The following GRIK3 variants were observed in gnomAD, a reference collection of about 807,000 sequenced individuals.
The protein encoded by GRIK3 is glutamate receptor ionotropic, kainate 3.
A neutral mutation model predicts 102.5 loss-of-function variants in GRIK3; 29 were observed. The ratio of observed to expected loss-of-function variants is 0.28; its 90% CI spans 0.21 to 0.39. GRIK3 has a LOEUF of 0.39. Among genes scored for constraint, GRIK3 ranks in the 10% least tolerant of loss-of-function variants. GRIK3 has a pLI of 1.00. For missense variants in GRIK3, 908 were observed against 1,252.4 expected (o/e 0.73, Z 4.15); for synonymous variants, 511 against 504.9 (o/e 1.01, Z -0.16).
At chr1:37,008,259 G>A (rs1010068844) in intron 1 of GRIK3, among the ~76,000 whole-genome samples, 9 of 152,328 alleles carry the variant, frequency 5.9e-5, no homozygotes, top group Middle Eastern at 6.8e-3. Context: ...CTTACCGAGC[G>A]GGGTTCCCCT....
chr1:36,806,123 GTAGCCCT>G lies in GRIK3; in HGVS notation c.2288_2294del (p.Lys763ThrfsTer31). ...GCTCACCCATGGGCGTGCCGATGCC[GTAGCCCT>G]TGGAGTCAATGAGGCCCCCGATCTG... On this transcript the variant is annotated frameshift_variant, in exon 14 of 16. Coordinates refer to ENST00000373091, the MANE Select transcript of GRIK3 (RefSeq NM_000831.4). LOFTEE classifies it high-confidence loss of function. The surrounding 1 kb of genome is among the most constrained non-coding windows in gnomAD (Gnocchi z 4.0). 1 of 1,613,230 alleles carries G rather than the reference GTAGCCCT, an allele frequency of 6.2e-7. No homozygotes were observed. Among genetic ancestry groups the G allele is most frequent in the South Asian group, 1.1e-5 (1 of 91,068 alleles).
At chr1:36,972,878 C>G (rs1198812967) in intron 1 of GRIK3, among the ~76,000 whole-genome samples, 1 of 152,184 alleles carries the variant, frequency 6.6e-6, no homozygotes, top group Non-Finnish European at 1.5e-5. Flanking sequence ...GGCAGAACAT[C>G]TGTGTCCAGA....
chr1:36,958,110 G>C (rs1226933618), intron 1 of GRIK3, among the ~76,000 whole-genome samples: 2 of 128,552 alleles, frequency 1.6e-5, no homozygotes, highest in African/African-American at 6.1e-5. Flanking sequence ...TGTGTGCCCC[G>C]TGAGTCTGTG....
intron 1 of GRIK3, among the ~76,000 whole-genome samples, chr1:36,951,546 C>T (rs2124335509): frequency 6.6e-6 from 1 of 152,366 alleles, no homozygotes; most frequent in Non-Finnish European, 1.5e-5. Context: ...TTATGTCGAA[C>T]TGGCAATGCT....
At chr1:36,990,255 T>C (rs921535862) in intron 1 of GRIK3, among the ~76,000 whole-genome samples, 1 of 152,150 alleles carries the variant, frequency 6.6e-6, no homozygotes, top group African/African-American at 2.4e-5. Flanking sequence ...CGATGCCCCA[T>C]CCACCCGACT....
chr1:36,881,001 C>A, intron 2 of GRIK3, 110 bp from the exon 3 acceptor site: 1 of 1,186,222 alleles, frequency 8.4e-7, no homozygotes, highest in Non-Finnish European at 1.2e-6. Context: ...CTGGAACCCT[C>A]GGTGGGTGCA....
At chr1:36,832,080 CTGCTCTACT>C (rs1230976910) in intron 10 of GRIK3, among the ~76,000 whole-genome samples, 1 of 280 alleles carries the variant, frequency 3.6e-3, no homozygotes, top group Non-Finnish European at 8.3e-3. Flanking sequence ...TCCCTGGCGA[CTGCTCTACT>C]GCTCTCATCG....
At position 36,874,813 on chromosome 1, in the gene GRIK3, G is replaced by A. The variant is rs77629988; in HGVS notation, c.551-2444C>T. On this transcript the variant is annotated intron_variant, in intron 3 of 15. Coordinates refer to ENST00000373091, the MANE Select transcript of GRIK3 (RefSeq NM_000831.4). ...GGCCTTCTTGTCAGCCAAGCACATC[G>A]CCCCATGTAATGCATGGTGACCCAC... Among the ~76,000 whole-genome samples the A allele has an allele frequency of 4.5e-3, 685 of 152,246 alleles. 8 individuals carry two copies. Among genetic ancestry groups the A allele is most frequent in the African/African-American group, 0.015 (634 of 41,536 alleles).
chr1:36,949,570 C>CTTTTTTTTTTTTT (rs1557436911), intron 1 of GRIK3, among the ~76,000 whole-genome samples: 1 of 134,872 alleles, frequency 7.4e-6, no homozygotes. Context: ...CTCTCTCTCT[C>CTTTTTTTTTTTTT]TTTCTTTTTT....
rs1193249670 is a variant in GRIK3 at position 36,799,141 on chromosome 1, A to G, written c.*2710T>C. 6.6e-6 allele frequency: 1 copy of G among 152,230 alleles called. No homozygotes were observed. The highest frequency in any genetic ancestry group is 1.5e-5 in the Non-Finnish European group (1 of 68,040). The allele number at this position is 152,230 out of a possible 1,614,324, so 9.4% of individuals were successfully genotyped here. ...ATCCTGTTACCTGGGAATTACAAAA[A>G]AGAGTTTTCCCTTCAAACAGGACAT... On this transcript the variant is annotated 3_prime_UTR_variant, in exon 16 of 16. Transcript: ENST00000373091.
chr1:36,869,769 G>A lies in GRIK3; in HGVS notation c.765C>T (p.Tyr255=), dbSNP rs1161321583. Residue 255 remains tyrosine, a synonymous_variant, in exon 5 of 16, where the codon TAC becomes TAT. Transcript: ENST00000373091. ...TTACCAGAGTGGTGAAGATGAAGTG[G>A]TAGTACTCAGTCATCATGCCCATGG... ...AMAMGMMTEY[Y]HFIFTTLDLY... 1 of 1,612,158 alleles carries A rather than the reference G, an allele frequency of 6.2e-7. No individual in the cohort carries two copies. The highest frequency in any genetic ancestry group is 1.7e-5 in the Admixed American group (1 of 60,018).
In GRIK3 at chr1:36,799,446, C is replaced by G. The variant is rs1642408098; in HGVS notation, c.*2405G>C. On this transcript the variant is annotated 3_prime_UTR_variant, in exon 16 of 16. Coordinates refer to ENST00000373091, the MANE Select transcript of GRIK3 (RefSeq NM_000831.4). The stretch of plus-strand genomic sequence containing the variant: ...GACCCATGTCACACGACTCTCTGGT[C>G]CTGGCCTTCCCCCCGCTCCCCACTG... 1 of 152,504 alleles carries G rather than the reference C, an allele frequency of 6.6e-6. No homozygotes were observed. The highest frequency in any genetic ancestry group is 2.4e-5 in the African/African-American group (1 of 41,476). 9.4% of individuals were successfully genotyped at this position (152,504 alleles called of 1,614,324 possible). A position where few individuals can be genotyped will look rare whatever the true frequency, so the allele number is the denominator to read the frequency against.
At chr1:36,822,343 G>C (rs539818862) in intron 11 of GRIK3, among the ~76,000 whole-genome samples, 1 of 152,312 alleles carries the variant, frequency 6.6e-6, no homozygotes, top group South Asian at 2.1e-4. Context: ...TGCCGTTACA[G>C]GTTGGGGTCC....
chr1:36,922,110 G>A (rs186949563), intron 1 of GRIK3, among the ~76,000 whole-genome samples: 38 of 152,314 alleles, frequency 2.5e-4, no homozygotes, highest in Admixed American at 7.8e-4. Context: ...AGTTCCTGTC[G>A]TGCCACTAAG....
intron 9 of GRIK3, among the ~76,000 whole-genome samples, chr1:36,842,451 C>T (rs140763196): frequency 2.2e-4 from 33 of 152,308 alleles, no homozygotes; most frequent in African/African-American, 7.7e-4. Flanking sequence ...AGTCTGAGGA[C>T]GCTGCTGTAA....
chr1:36,885,168 T>C (rs563411651), intron 2 of GRIK3, among the ~76,000 whole-genome samples: 2 of 152,342 alleles, frequency 1.3e-5, no homozygotes, highest in East Asian at 1.9e-4. Context: ...GTGATGTTGA[T>C]GTTGGTGTTG....
rs112783139 is a variant in GRIK3 at position 36,916,064 on chromosome 1, G to A, written c.116-24968C>T. Among the ~76,000 whole-genome samples the A allele has an allele frequency of 5.7e-3, 868 of 152,270 alleles. 7 individuals carry two copies. The highest frequency in any genetic ancestry group is 0.02 in the African/African-American group (830 of 41,548). On this transcript the variant is annotated intron_variant, in intron 1 of 15. Coordinates refer to ENST00000373091, the MANE Select transcript of GRIK3 (RefSeq NM_000831.4). ...CAACCAAAATGCTGATAATGATATC[G>A]TCAATGAAATTCAGGCTGATGTGAT...
intron 1 of GRIK3, among the ~76,000 whole-genome samples, chr1:36,958,088 G>A (rs1270433556): frequency 7.7e-5 from 10 of 130,126 alleles, no homozygotes; most frequent in African/African-American, 2.7e-4. Flanking sequence ...TTGAATCTGC[G>A]CCCTGTGAGC....
intron 1 of GRIK3, among the ~76,000 whole-genome samples, chr1:36,924,502 G>A (rs1200110046): frequency 6.6e-6 from 1 of 152,190 alleles, no homozygotes; most frequent in East Asian, 1.9e-4. Context: ...GGGAGGGGGA[G>A]TGGGTTGGGT....
Sources: gnomAD v4.1 joint callset for allele counts (sites outside exome capture counted in the v4.1 genomes callset) on GRCh38, gnomAD v4.1.1 for gene constraint, Gnocchi (gnomAD v3.1) non-coding constraint, MANE v1.5 for transcripts, NCBI Gene and HGNC (gene_info 2026-07-23, HGNC 2026-07-21) for gene names.